Variants in ZMAT5 observed in about 807,000 individuals in gnomAD.
ZMAT5 encodes the protein zinc finger matrin-type protein 5.
Under a neutral mutation model 28.0 loss-of-function variants are expected in ZMAT5, and 23 were observed. The observed-to-expected ratio is 0.82, with a 90% CI of 0.59 to 1.16. ZMAT5 has a LOEUF of 1.16. Among genes scored for constraint, ZMAT5 ranks in the 50% most tolerant of loss-of-function variants. The pLI is 0.00. For synonymous variants in ZMAT5, 76 were observed against 84.1 expected (o/e 0.90, Z 0.52); for missense variants, 173 against 212.7 (o/e 0.81, Z 1.16).
rs778792064 is a variant in ZMAT5, at chr22:29,740,723, G to C, written c.198C>G (p.Cys66Trp). The C allele has an allele frequency of 6.3e-7, 1 of 1,593,756 alleles. No individual in the cohort carries two copies. Among genetic ancestry groups the C allele is most frequent in the Admixed American group, 1.8e-5 (1 of 56,360 alleles). ...AAAATCTGCAGTTGGAGCCAAAGTC[G>C]CACTGGCCTGCAGCAGGAAGACAGA... ...PCRKFLLTGQ[C>W]DFGSNCRFSH... is the part of the protein sequence containing the mutation. The change falls in exon 4 of 6, where the codon TGC (cysteine) becomes TGG (tryptophan). Residue 66 changes from cysteine (C) to tryptophan (W), a missense_variant. Physicochemically the swap from Cys to Trp is radical, Grantham distance 215. Coordinates refer to ENST00000344318, the MANE Select transcript of ZMAT5 (RefSeq NM_001003692.2).
chr22:29,748,864 T>G (rs1358049798), intron 1 of ZMAT5, among the ~76,000 whole-genome samples: 2 of 152,166 alleles, frequency 1.3e-5, no homozygotes, highest in African/African-American at 4.8e-5. Flanking sequence ...CAGGCTGGAG[T>G]GCAGTGTTGC....
chr22:29,756,137 C>T (rs1233581761), intron 1 of ZMAT5, among the ~76,000 whole-genome samples: 2 of 152,260 alleles, frequency 1.3e-5, no homozygotes, highest in African/African-American at 4.8e-5. Context: ...TCACCACAGG[C>T]GACCCTGAAG....
At chr22:29,765,890 C>T (rs1382493057) in intron 1 of ZMAT5, among the ~76,000 whole-genome samples, 1 of 152,084 alleles carries the variant, frequency 6.6e-6, no homozygotes, top group East Asian at 1.9e-4. Context: ...ACCCATCTTC[C>T]CTCAAATGAT....
At chr22:29,737,713 G>A (rs1288213626) in intron 5 of ZMAT5, among the ~76,000 whole-genome samples, 1 of 152,028 alleles carries the variant, frequency 6.6e-6, no homozygotes, top group Non-Finnish European at 1.5e-5. Context: ...CCTGCCCTGT[G>A]CCCCGTTCTG....
At chr22:29,732,688 C>G (rs1307934337) in intron 5 of ZMAT5, among the ~76,000 whole-genome samples, 4 of 148,174 alleles carry the variant, frequency 2.7e-5, no homozygotes, top group African/African-American at 7.5e-5. Context: ...TGCAGTGAGC[C>G]GAGATCGCGC....
intron 2 of ZMAT5, among the ~76,000 whole-genome samples, chr22:29,744,478 C>T (rs983552731): frequency 2.0e-5 from 3 of 151,604 alleles, no homozygotes; most frequent in Non-Finnish European, 2.9e-5. Context: ...CTGTTAGCGC[C>T]GGGCTTGTCA....
At chr22:29,746,736 T>A (rs538867131) in intron 2 of ZMAT5, 1 of 152,226 alleles carries the variant, frequency 6.6e-6, no homozygotes, top group Non-Finnish European at 1.5e-5. Flanking sequence ...CACCTGCTGC[T>A]TCATCTTTTC....
Position 29,748,445 on chromosome 22 carries a change from T to C in ZMAT5, c.100A>G (p.Lys34Glu), listed in dbSNP as rs774616141. The C allele has an allele frequency of 1.9e-6, 3 of 1,614,256 alleles. No homozygotes were observed. The highest frequency in any genetic ancestry group is 2.5e-6 in the Non-Finnish European group (3 of 1,180,044). ...CGGAACATGTCGTACCAGACCTTCT[T>C]GGCCTTGAGGTGCTGCAGCCCGTTC... ...HLNGLQHLKA[K>E]KVWYDMFRDA... is the part of the protein sequence containing the mutation. The change falls in exon 2 of 6, where the codon AAG (lysine) becomes GAG (glutamate). Residue 34 changes from lysine (K) to glutamate (E), a missense_variant. Transcript: ENST00000344318.
chr22:29,744,701 T>C (rs931812985), intron 2 of ZMAT5, among the ~76,000 whole-genome samples: 1 of 152,214 alleles, frequency 6.6e-6, no homozygotes, highest in African/African-American at 2.4e-5. Context: ...GTCCGCTTAG[T>C]GGTTCCTGAC....
At chr22:29,735,536 C>T (rs974487882) in intron 5 of ZMAT5, among the ~76,000 whole-genome samples, 1 of 152,238 alleles carries the variant, frequency 6.6e-6, no homozygotes, top group Non-Finnish European at 1.5e-5. Flanking sequence ...CCACACAGAG[C>T]CTTGGGCCAG....
chr22:29,765,892 T>C (rs1178285079), intron 1 of ZMAT5, among the ~76,000 whole-genome samples: 2 of 151,996 alleles, frequency 1.3e-5, no homozygotes. Context: ...CCATCTTCCC[T>C]CAAATGATCT....
chr22:29,735,016 G>A (rs2067891089), intron 5 of ZMAT5, among the ~76,000 whole-genome samples: 1 of 152,128 alleles, frequency 6.6e-6, no homozygotes, highest in African/African-American at 2.4e-5. Context: ...GAAGAACATT[G>A]TTGCTGCAGC....
At chr22:29,765,494 C>A (rs1421081600) in intron 1 of ZMAT5, among the ~76,000 whole-genome samples, 1 of 152,156 alleles carries the variant, frequency 6.6e-6, no homozygotes, top group Admixed American at 6.6e-5. Context: ...CTACACACAT[C>A]TGCTAGCTTG....
At chr22:29,742,576 G>C (rs933889865) in intron 2 of ZMAT5, 96 bp from the exon 3 acceptor site, 1 of 1,126,146 alleles carries the variant, frequency 8.9e-7, no homozygotes, top group Admixed American at 1.8e-5. Flanking sequence ...CCTTTATCTC[G>C]ACACAGCTGT....
At chr22:29,765,430 AC>A (rs1434974721) in intron 1 of ZMAT5, among the ~76,000 whole-genome samples, 3 of 151,930 alleles carry the variant, frequency 2.0e-5, no homozygotes, top group Non-Finnish European at 2.9e-5. Context: ...AAAACAAAAA[AC>A]AAAAAACAAA....
intron 2 of ZMAT5, chr22:29,746,141 T>G (rs1175076829): frequency 6.6e-6 from 1 of 151,876 alleles, no homozygotes; most frequent in Non-Finnish European, 1.5e-5. Flanking sequence ...CCTGGCTAAT[T>G]TTTTTATTTT....
intron 4 of ZMAT5, 64 bp downstream of exon 4, chr22:29,740,586 G>T: frequency 1.3e-6 from 2 of 1,496,666 alleles, no homozygotes; most frequent in South Asian, 1.2e-5. Context: ...CAGCTTCCCC[G>T]GTCTCAGAGC....
chr22:29,745,769 G>C (rs544888848), intron 2 of ZMAT5, among the ~76,000 whole-genome samples: 1 of 152,354 alleles, frequency 6.6e-6, no homozygotes, highest in African/African-American at 2.4e-5. Context: ...AGGGCTAAGG[G>C]GACGTGGCCC....
chr22:29,748,552 C>G lies in ZMAT5; in HGVS notation c.-8G>C. On this transcript the variant is annotated 5_prime_UTR_variant, in exon 2 of 6. Transcript: ENST00000344318. ...GAAGTATCGCTTCCCCATGGCCACT[C>G]AGAGCAGGTGCTTTGCTGCCTGGGA... 2.5e-6 allele frequency: 4 copies of G among 1,614,112 alleles called. No individual in the cohort carries two copies. The highest frequency in any genetic ancestry group is 3.4e-6 in the Non-Finnish European group (4 of 1,180,042).
Sources: allele counts gnomAD v4.1 joint callset (sites outside exome capture counted in the v4.1 genomes callset), GRCh38; gene constraint gnomAD v4.1.1; transcripts MANE v1.5; gene names NCBI Gene and HGNC (gene_info 2026-07-23, HGNC 2026-07-21).